The following NELL1 variants were observed in gnomAD, a reference collection of about 807,000 sequenced individuals.
The protein encoded by NELL1 is protein kinase C-binding protein NELL1.
A neutral mutation model predicts 107.4 loss-of-function variants in NELL1; 76 were observed. The observed-to-expected ratio is 0.71, with a 90% CI of 0.59 to 0.86. The LOEUF (loss-of-function observed/expected upper bound fraction) is 0.86. Ranked by LOEUF, NELL1 falls within the 40% of genes least tolerant of loss-of-function variation. The probability of loss-of-function intolerance (pLI) is 0.00; values close to 1 mark genes in which losing one functional copy is unlikely to be tolerated. For synonymous variants in NELL1, 353 were observed against 341.2 expected (o/e 1.03, Z -0.38); for missense variants, 1,024 against 1,005.5 (o/e 1.02, Z -0.25).
chr11:20,789,203 A>T (rs1857027227), intron 3 of NELL1, among the ~76,000 whole-genome samples: 1 of 152,196 alleles, frequency 6.6e-6, no homozygotes, highest in Non-Finnish European at 1.5e-5. Context: ...CACTCAGCTC[A>T]TGGTACTGGC....
intron 14 of NELL1, among the ~76,000 whole-genome samples, chr11:21,276,793 G>T (rs1342369053): frequency 5.3e-5 from 8 of 152,170 alleles, no homozygotes; most frequent in Non-Finnish European, 1.2e-4. Context: ...AACAAGCAAT[G>T]GGGAAAGGAT....
At chr11:21,017,754 A>G (rs202013958) in intron 12 of NELL1, among the ~76,000 whole-genome samples, 1 of 152,024 alleles carries the variant, frequency 6.6e-6, no homozygotes, top group East Asian at 1.9e-4. Context: ...TCCTTATTTT[A>G]TTAGAGGAAT....
At chr11:21,319,236 C>A (rs1849949602) in intron 14 of NELL1, among the ~76,000 whole-genome samples, 1 of 151,596 alleles carries the variant, frequency 6.6e-6, no homozygotes, top group Non-Finnish European at 1.5e-5. Context: ...AGTGCAGTGA[C>A]ATGATCTCGG....
intron 15 of NELL1, among the ~76,000 whole-genome samples, chr11:21,498,344 TATAC>T (rs912412718): frequency 2.2e-5 from 2 of 90,844 alleles, no homozygotes; most frequent in Admixed American, 2.2e-4. Context: ...TATATATATA[TATAC>T]ATATATATAT....
At chr11:21,018,784 C>G (rs1852629909) in intron 12 of NELL1, among the ~76,000 whole-genome samples, 1 of 152,098 alleles carries the variant, frequency 6.6e-6, no homozygotes, top group Non-Finnish European at 1.5e-5. Flanking sequence ...AGTGGGTTTA[C>G]TGCAGGAATG....
At chr11:21,260,624 C>G (rs973654035) in intron 14 of NELL1, 1 of 151,842 alleles carries the variant, frequency 6.6e-6, no homozygotes. Context: ...GGAGAATTGT[C>G]TGTTTTCTAG....
chr11:21,273,038 A>C (rs1848773892), intron 14 of NELL1, among the ~76,000 whole-genome samples: 1 of 152,244 alleles, frequency 6.6e-6, no homozygotes, highest in Non-Finnish European at 1.5e-5. Context: ...CAGCAATGGA[A>C]CAAAGCTGGA....
In NELL1 at chr11:21,133,627, A is replaced by G. The variant is rs573402154; in HGVS notation, c.1426+19913A>G. Among the ~76,000 whole-genome samples, 5 of 151,664 alleles carry G rather than the reference A, an allele frequency of 3.3e-5. No homozygotes were observed. The South Asian group carries it at 1.0e-3, about 32-fold the overall frequency. On this transcript the variant is annotated intron_variant, in intron 13 of 19. Coordinates refer to ENST00000357134, the MANE Select transcript of NELL1 (RefSeq NM_006157.5). ...TCAGTGCTGCCCTGAGCCCTCGCTCACCTGGTCAGGATGCAAAAGCACCCA... is the reference window on the plus strand; with the variant it reads ...TCAGTGCTGCCCTGAGCCCTCGCTCGCCTGGTCAGGATGCAAAAGCACCCA...
rs192727952 is a variant in NELL1 at position 21,035,801 on chromosome 11, G to A, written c.1300+75241G>A. On this transcript the variant is annotated intron_variant, in intron 12 of 19. Transcript: ENST00000357134. ...CATACTGAATGGGCAAAAGCTGGAA[G>A]CATTTCCCTTGAAAACTGGCACAAG... is the stretch of plus-strand genomic sequence containing the variant. Among the ~76,000 whole-genome samples the A allele has an allele frequency of 4.2e-3, 644 of 152,290 alleles. 6 individuals are homozygous for A. Among genetic ancestry groups the A allele is most frequent in the African/African-American group, 0.015 (604 of 41,566 alleles).
In NELL1 at chr11:20,792,626, C is replaced by G. The variant is rs544861918; in HGVS notation, c.335+8796C>G. Among the ~76,000 whole-genome samples the G allele has an allele frequency of 5.0e-4, 76 of 151,964 alleles. 1 individual carries two copies. The South Asian group carries it at 0.015, about 30-fold the overall frequency. On this transcript the variant is annotated intron_variant, in intron 3 of 19. Coordinates refer to ENST00000357134, the MANE Select transcript of NELL1 (RefSeq NM_006157.5). ...TGTGCATTTTGAGATACTTTTGTGTCTGCCCCCTTTTATCTATTAACATAA... is the reference window on the plus strand; with the variant it reads ...TGTGCATTTTGAGATACTTTTGTGTGTGCCCCCTTTTATCTATTAACATAA...
intron 2 of NELL1, among the ~76,000 whole-genome samples, chr11:20,768,298 G>A (rs761066368): frequency 2.2e-4 from 33 of 152,280 alleles, no homozygotes; most frequent in Admixed American, 1.4e-3. Context: ...GTTGTGCTCC[G>A]AAGCCCTTGT....
intron 12 of NELL1, among the ~76,000 whole-genome samples, chr11:21,073,085 G>A (rs566159787): frequency 3.7e-4 from 56 of 152,166 alleles, no homozygotes; most frequent in African/African-American, 1.3e-3. Context: ...TAGGTGTCTC[G>A]TCAATTTGGT....
intron 2 of NELL1, among the ~76,000 whole-genome samples, chr11:20,694,941 A>C (rs976649436): frequency 6.6e-6 from 1 of 151,882 alleles, no homozygotes; most frequent in Non-Finnish European, 1.5e-5. Flanking sequence ...ACGTTTCTTC[A>C]TTTACTTGTG....
intron 14 of NELL1, among the ~76,000 whole-genome samples, chr11:21,341,841 A>G (rs907411632): frequency 2.0e-5 from 3 of 152,232 alleles, no homozygotes; most frequent in Non-Finnish European, 4.4e-5. Context: ...AAATCTTTAT[A>G]TGTAATAATA....
rs114299909 is a variant in NELL1 at position 21,322,728 on chromosome 11, A to G, written c.1550-48125A>G. 4.8e-3 allele frequency among the ~76,000 whole-genome samples: 736 copies of G among 152,190 alleles called. 8 individuals carry two copies. The highest frequency in any genetic ancestry group is 0.017 in the African/African-American group (703 of 41,534). ...GGTTCCATGAAACCAGACTTCCAGGAAGAGTTTCTCAAGGTCAAGCCATGT... is the reference window on the plus strand; with the variant it reads ...GGTTCCATGAAACCAGACTTCCAGGGAGAGTTTCTCAAGGTCAAGCCATGT... On this transcript the variant is annotated intron_variant, in intron 14 of 19. Coordinates refer to ENST00000357134, the MANE Select transcript of NELL1 (RefSeq NM_006157.5).
chr11:21,071,971 C>T (rs1398506894), intron 12 of NELL1, among the ~76,000 whole-genome samples: 2 of 152,122 alleles, frequency 1.3e-5, no homozygotes, highest in African/African-American at 4.8e-5. Flanking sequence ...CATTATGCTG[C>T]CCAATTTGGT....
At chr11:21,119,969 T>TA (rs1311647940) in intron 13 of NELL1, among the ~76,000 whole-genome samples, 4 of 152,222 alleles carry the variant, frequency 2.6e-5, no homozygotes, top group Non-Finnish European at 5.9e-5. Flanking sequence ...TACTTCACAG[T>TA]AACGGGTAGG....
At chr11:21,508,691 G>A (rs1855358966) in intron 15 of NELL1, among the ~76,000 whole-genome samples, 1 of 151,986 alleles carries the variant, frequency 6.6e-6, no homozygotes, top group Admixed American at 6.6e-5. Flanking sequence ...TGTCTTAAGA[G>A]TAGCTAATGT....
At chr11:20,912,608 G>A (rs1295994261) in intron 5 of NELL1, among the ~76,000 whole-genome samples, 3 of 152,222 alleles carry the variant, frequency 2.0e-5, no homozygotes, top group African/African-American at 7.2e-5. Context: ...CTTTCACAGA[G>A]GCCAAGGCTC....
Sources: gnomAD v4.1 joint callset for allele counts (sites outside exome capture counted in the v4.1 genomes callset) on GRCh38, gnomAD v4.1.1 for gene constraint, MANE v1.5 for transcripts, NCBI Gene and HGNC (gene_info 2026-07-23, HGNC 2026-07-21) for gene names.